The following KAZN variants were observed in gnomAD, a reference collection of about 807,000 sequenced individuals.
KAZN encodes the protein kazrin.
In KAZN, 40 loss-of-function variants were observed where a neutral mutation model predicts 87.4. That is an observed-to-expected ratio of 0.46 (90% CI 0.36 to 0.60). The LOEUF (loss-of-function observed/expected upper bound fraction) is 0.60, where lower values mean the gene tolerates loss of function less well. Ranked by LOEUF, KAZN falls within the 20% of genes least tolerant of loss-of-function variation. KAZN has a pLI of 0.00. For synonymous variants in KAZN, 466 were observed against 458.3 expected, an observed-to-expected ratio of 1.02 and a Z score of -0.22; for missense variants, 898 against 1,073.9, an observed-to-expected ratio of 0.84 and a Z score of 2.29.
At chr1:14,775,743 A>G (rs566118626) in intron 1 of KAZN, among the ~76,000 whole-genome samples, 1 of 152,246 alleles carries the variant, frequency 6.6e-6, no homozygotes, top group Non-Finnish European at 1.5e-5. Flanking sequence ...AGCAGGAGAA[A>G]GGGGCAGGTG....
intron 2 of KAZN, among the ~76,000 whole-genome samples, chr1:14,475,019 TG>T (rs1668642179): frequency 1.3e-5 from 2 of 152,118 alleles, no homozygotes; most frequent in Non-Finnish European, 2.9e-5. Flanking sequence ...GATGGATGAA[TG>T]GATGGAGGGA....
chr1:14,126,288 A>G (rs991731248), intron 1 of KAZN, among the ~76,000 whole-genome samples: 2 of 152,184 alleles, frequency 1.3e-5, no homozygotes, highest in Admixed American at 1.3e-4. Context: ...TTCCTCCTCT[A>G]GAATTCCAAC....
At chr1:14,569,560 G>T (rs1488902248) in intron 2 of KAZN, among the ~76,000 whole-genome samples, 1 of 151,252 alleles carries the variant, frequency 6.6e-6, no homozygotes, top group Non-Finnish European at 1.5e-5. Flanking sequence ...CTGACCTCAA[G>T]ATCTGCCCGC....
chr1:13,945,704 TGTGTGTGAGAGAGA>T (rs1641119238), intron 1 of KAZN, among the ~76,000 whole-genome samples: 3 of 139,690 alleles, frequency 2.1e-5, no homozygotes, highest in African/African-American at 8.2e-5. Context: ...TGTGTGTGTG[TGTGTGTGAGAGAGA>T]GAGAGAGAGA....
chr1:14,542,391 A>G (rs1426855916), intron 2 of KAZN, among the ~76,000 whole-genome samples: 1 of 151,816 alleles, frequency 6.6e-6, no homozygotes, highest in Non-Finnish European at 1.5e-5. Flanking sequence ...ACATGTATAC[A>G]TATGTAACAA....
intron 1 of KAZN, among the ~76,000 whole-genome samples, chr1:14,167,305 G>A (rs1024314939): frequency 6.6e-6 from 1 of 152,186 alleles, no homozygotes; most frequent in East Asian, 1.9e-4. Context: ...ATCCTAGAGA[G>A]AATCGCCTCC....
intron 1 of KAZN, among the ~76,000 whole-genome samples, chr1:14,642,459 C>T (rs1184374384): frequency 4.6e-5 from 7 of 152,060 alleles, no homozygotes; most frequent in Middle Eastern, 3.2e-3. Flanking sequence ...CAAGTTAACA[C>T]GGCATGTGCT....
chr1:14,191,502 A>C (rs926667912), intron 2 of KAZN, among the ~76,000 whole-genome samples: 1 of 152,122 alleles, frequency 6.6e-6, no homozygotes, highest in Non-Finnish European at 1.5e-5. Context: ...CCCATGGTAC[A>C]TCTAGGTGTA....
In KAZN at chr1:14,202,707, A is replaced by G. The variant is rs1646664178; in HGVS notation, c.249+22115A>G. On this transcript the variant is annotated intron_variant, in intron 2 of 16. Coordinates refer to the KAZN transcript ENST00000636203. Reference sequence around the variant, plus strand: ...AAAGGGCATATATTACAGGTAAGTCACTATGCTAGATATTTTCACATTTCC... The same window carrying G: ...AAAGGGCATATATTACAGGTAAGTCGCTATGCTAGATATTTTCACATTTCC... 2.6e-5 allele frequency among the ~76,000 whole-genome samples: 4 copies of G among 152,180 alleles called. No individual in the cohort carries two copies. In the South Asian group the frequency reaches 8.3e-4, roughly 32 times the overall value.
intron 2 of KAZN, among the ~76,000 whole-genome samples, chr1:15,024,124 C>T (rs977068591): frequency 6.6e-6 from 1 of 152,170 alleles, no homozygotes; most frequent in Non-Finnish European, 1.5e-5. Flanking sequence ...GAGGTCCAGG[C>T]TGAAGCCTGT....
intron 2 of KAZN, among the ~76,000 whole-genome samples, chr1:14,304,910 T>A (rs1654811994): frequency 6.6e-6 from 1 of 151,992 alleles, no homozygotes; most frequent in Admixed American, 6.6e-5. Flanking sequence ...TTAGAAGCCT[T>A]AAGAAGCATG....
chr1:14,525,496 C>T (rs1047070008), intron 2 of KAZN, among the ~76,000 whole-genome samples: 3 of 152,132 alleles, frequency 2.0e-5, no homozygotes, highest in African/African-American at 7.2e-5. Flanking sequence ...TATTTATGCA[C>T]ACTGAAATTT....
At position 15,021,811 on chromosome 1, in the gene KAZN, C is replaced by T. The variant is rs1670697714; in HGVS notation, c.419-12938C>T. Among the ~76,000 whole-genome samples, 1 of 152,186 alleles carries T rather than the reference C, an allele frequency of 6.6e-6. No individual in the cohort carries two copies. Among genetic ancestry groups the T allele is most frequent in the Non-Finnish European group, 1.5e-5 (1 of 68,024 alleles). ...CCCTTTCTCATTGGAAGCCCTGGCT[C>T]CTGGCATCTGTATGAGTTCGTTTTC... On this transcript the variant is annotated intron_variant, in intron 2 of 14. Coordinates refer to ENST00000376030, the MANE Select transcript of KAZN (RefSeq NM_201628.3). This position sits in a 1 kb window ranked among gnomAD's most constrained non-coding sequence, Gnocchi z 4.2.
rs74381595 is a variant in KAZN, at chr1:14,947,334, G to A, written c.227-13350G>A. Among the ~76,000 whole-genome samples, 1,281 of 152,342 alleles carry A rather than the reference G, an allele frequency of 8.4e-3. 23 individuals are homozygous for A. The highest frequency in any genetic ancestry group is 0.029 in the African/African-American group (1,213 of 41,554). On this transcript the variant is annotated intron_variant, in intron 1 of 14. Coordinates refer to ENST00000376030, the MANE Select transcript of KAZN (RefSeq NM_201628.3). ...GGAAAGTCCTGCACAGTGAGGATGTGGAGGGAAGCAGGCAGTGCCACCCGG... is the reference window on the plus strand; with the variant it reads ...GGAAAGTCCTGCACAGTGAGGATGTAGAGGGAAGCAGGCAGTGCCACCCGG...
intron 1 of KAZN, among the ~76,000 whole-genome samples, chr1:14,888,264 T>C (rs1389035102): frequency 6.6e-6 from 1 of 152,192 alleles, no homozygotes; most frequent in African/African-American, 2.4e-5. Flanking sequence ...TCTCCCAGCA[T>C]ATGGACATTC....
intron 2 of KAZN, among the ~76,000 whole-genome samples, chr1:14,280,206 C>T (rs759278081): frequency 1.3e-5 from 2 of 151,310 alleles, no homozygotes; most frequent in Non-Finnish European, 2.9e-5. Flanking sequence ...ACTAAAAATA[C>T]AAAAAATTAG....
intron 2 of KAZN, among the ~76,000 whole-genome samples, chr1:14,443,637 A>G (rs1666818406): frequency 1.3e-5 from 2 of 152,208 alleles, no homozygotes; most frequent in Admixed American, 1.3e-4. Flanking sequence ...GATGTCATTA[A>G]TGGAGGAGAG....
chr1:14,399,986 A>ATTTTATT (rs1371112845), intron 2 of KAZN, among the ~76,000 whole-genome samples: 3 of 150,606 alleles, frequency 2.0e-5, no homozygotes, highest in Non-Finnish European at 4.4e-5. Context: ...GAATTAAAAT[A>ATTTTATT]AAAAAAGAAG....
intron 1 of KAZN, among the ~76,000 whole-genome samples, chr1:13,992,636 T>C (rs1639336964): frequency 6.6e-6 from 1 of 152,110 alleles, no homozygotes; most frequent in Admixed American, 6.5e-5. Context: ...AGAGGCAAAT[T>C]GTACATGAAA....
Sources: allele counts gnomAD v4.1 joint callset (sites outside exome capture counted in the v4.1 genomes callset), GRCh38; gene constraint gnomAD v4.1.1; non-coding constraint Gnocchi (gnomAD v3.1); transcripts MANE v1.5; gene names NCBI Gene and HGNC (gene_info 2026-07-23, HGNC 2026-07-21).